Variants in DYRK1A observed in about 807,000 individuals in gnomAD.
The protein encoded by DYRK1A is dual specificity tyrosine phosphorylation regulated kinase 1A.
Under a neutral mutation model 79.7 loss-of-function variants are expected in DYRK1A, and 9 were observed. That is an observed-to-expected ratio of 0.11 (90% CI 0.07 to 0.20). DYRK1A has a LOEUF of 0.20. Among genes scored for constraint, DYRK1A ranks in the 10% least tolerant of loss-of-function variants. The probability of loss-of-function intolerance (pLI) is 1.00; values close to 1 mark genes in which losing one functional copy is unlikely to be tolerated. For missense variants in DYRK1A, 622 were observed against 956.0 expected, an observed-to-expected ratio of 0.65 and a Z score of 4.61; for synonymous variants, 349 against 329.7, an observed-to-expected ratio of 1.06 and a Z score of -0.63.
chr21:37,452,124 G>A (rs1426375057), intron 2 of DYRK1A, among the ~76,000 whole-genome samples: 2 of 151,798 alleles, frequency 1.3e-5, no homozygotes, highest in Non-Finnish European at 2.9e-5. Flanking sequence ...AAAGTATTGT[G>A]AAGTATTGAT....
At position 37,513,649 on chromosome 21, in the gene DYRK1A, C is replaced by G. The variant is rs1005174743; in HGVS notation, c.*1118C>G. On this transcript the variant is annotated 3_prime_UTR_variant, in exon 12 of 12. Transcript: ENST00000647188. ...TGTCCCTTCCTGCTTTTTACTTTTTCTTTTGCTTTTTCTCGGCACGTGGTA... is the reference window on the plus strand; with the variant it reads ...TGTCCCTTCCTGCTTTTTACTTTTTGTTTTGCTTTTTCTCGGCACGTGGTA... The G allele has an allele frequency of 1.3e-5, 2 of 152,580 alleles. No individual in the cohort carries two copies. The highest frequency in any genetic ancestry group is 6.5e-5 in the Admixed American group (1 of 15,286). The allele number at this position is 152,580 out of a possible 1,614,324, so 9.5% of individuals were successfully genotyped here. A position where few individuals can be genotyped will look rare whatever the true frequency, so the allele number is the denominator to read the frequency against.
chr21:37,424,298 T>C (rs2050557333), intron 2 of DYRK1A, among the ~76,000 whole-genome samples: 2 of 152,176 alleles, frequency 1.3e-5, no homozygotes, highest in Non-Finnish European at 2.9e-5. Flanking sequence ...AAAAAGATAG[T>C]GGATTTGCTT....
At position 37,496,764 on chromosome 21, in the gene DYRK1A, A is replaced by T. The variant is rs534712814; in HGVS notation, c.1212+506A>T. On this transcript the variant is annotated intron_variant, in intron 9 of 11. Coordinates refer to ENST00000647188, the MANE Select transcript of DYRK1A (RefSeq NM_001347721.2). Reference sequence around the variant, plus strand: ...TAGATGGTCCTTTGATAGACTTCAGATTCCTAGCTCATTGACTTGGATAGC... The same window carrying T: ...TAGATGGTCCTTTGATAGACTTCAGTTTCCTAGCTCATTGACTTGGATAGC... Among the ~76,000 whole-genome samples the T allele has an allele frequency of 4.6e-5, 7 of 152,272 alleles. No homozygotes were observed. In the South Asian group the frequency reaches 1.4e-3, roughly 32 times the overall value.
intron 2 of DYRK1A, among the ~76,000 whole-genome samples, chr21:37,422,216 A>G (rs1468249225): frequency 6.6e-6 from 1 of 152,172 alleles, no homozygotes; most frequent in African/African-American, 2.4e-5. Flanking sequence ...AAACCCAGGA[A>G]AGAAGATCTA....
At chr21:37,396,757 T>G (rs1300482188) in intron 1 of DYRK1A, among the ~76,000 whole-genome samples, 3 of 152,212 alleles carry the variant, frequency 2.0e-5, no homozygotes, top group Non-Finnish European at 4.4e-5. Context: ...TCATCAAGTA[T>G]GGTGAACACA....
In DYRK1A at chr21:37,505,515, A is replaced by G; in HGVS notation, c.1445A>G (p.Asn482Ser). 6.2e-7 allele frequency: 1 copy of G among 1,613,624 alleles called. No individual in the cohort carries two copies. The highest frequency in any genetic ancestry group is 8.5e-7 in the Non-Finnish European group (1 of 1,180,034). ...GCTGATGAAGGTACAAATACAAGTA[A>G]TAGTGTATCTACAAGCCCCGCCATG... Reference protein sequence around the residue: ...KTADEGTNTSNSVSTSPAMEQ... With the variant: ...KTADEGTNTSSSVSTSPAMEQ... The change falls in exon 10 of 12, where the codon AAT (asparagine) becomes AGT (serine). Residue 482 changes from asparagine to serine, a missense_variant. Coordinates refer to ENST00000647188, the MANE Select transcript of DYRK1A (RefSeq NM_001347721.2).
At chr21:37,370,961 A>G (rs530819409) in intron 1 of DYRK1A, among the ~76,000 whole-genome samples, 1 of 152,126 alleles carries the variant, frequency 6.6e-6, no homozygotes, top group Non-Finnish European at 1.5e-5. Context: ...TTTTTACCAG[A>G]TGTTATCTTG....
intron 9 of DYRK1A, among the ~76,000 whole-genome samples, chr21:37,499,097 GA>G (rs758794141): frequency 1.3e-5 from 2 of 152,080 alleles, no homozygotes; most frequent in Admixed American, 6.6e-5. Context: ...ATCTTTTGAT[GA>G]ATAGGGAGTT....
intron 3 of DYRK1A, among the ~76,000 whole-genome samples, chr21:37,473,990 G>A (rs772168025): frequency 2.6e-5 from 4 of 152,164 alleles, no homozygotes; most frequent in Non-Finnish European, 4.4e-5. Context: ...TGCACTTTGA[G>A]GAAACCAAGT....
chr21:37,386,308 C>T (rs963053673), intron 1 of DYRK1A, among the ~76,000 whole-genome samples: 2 of 152,096 alleles, frequency 1.3e-5, no homozygotes, highest in Non-Finnish European at 2.9e-5. Flanking sequence ...CCACCCCCAA[C>T]CCCCACCCTG....
intron 6 of DYRK1A, among the ~76,000 whole-genome samples, chr21:37,489,346 G>T (rs1365016920): frequency 6.6e-6 from 1 of 152,124 alleles, no homozygotes. Flanking sequence ...AACCTCATCT[G>T]ATGTGACGTC....
At chr21:37,478,673 A>G (rs972129488) in intron 4 of DYRK1A, among the ~76,000 whole-genome samples, 21 of 152,152 alleles carry the variant, frequency 1.4e-4, no homozygotes, top group Non-Finnish European at 2.4e-4. Flanking sequence ...GAATTTTTAT[A>G]TATTTGTTTC....
At chr21:37,481,767 A>C (rs2052649936) in intron 5 of DYRK1A, 1 of 152,046 alleles carries the variant, frequency 6.6e-6, no homozygotes, top group South Asian at 2.1e-4. Context: ...GCACTTTGGG[A>C]ATCTGAAGCA....
intron 10 of DYRK1A, 133 bp from the exon 11 acceptor site, chr21:37,505,966 C>G (rs1000046182): frequency 1.6e-5 from 18 of 1,144,810 alleles, no homozygotes; most frequent in Non-Finnish European, 2.0e-5. Context: ...GATATACTTT[C>G]AAGTTAATAT....
At chr21:37,488,447 G>A (rs2052954468) in intron 6 of DYRK1A, 1 of 723,708 alleles carries the variant, frequency 1.4e-6, no homozygotes, top group African/African-American at 1.9e-5. Context: ...TCTTGTCTTT[G>A]AACTTTAAAA....
At chr21:37,403,623 G>T (rs2050092181) in intron 1 of DYRK1A, among the ~76,000 whole-genome samples, 1 of 131,110 alleles carries the variant, frequency 7.6e-6, no homozygotes, top group Admixed American at 7.9e-5. Flanking sequence ...GCCCCACTAT[G>T]CTCAGCTAAT....
At chr21:37,460,419 A>G (rs138484318) in intron 2 of DYRK1A, among the ~76,000 whole-genome samples, 136 of 152,254 alleles carry the variant, frequency 8.9e-4, no homozygotes, top group African/African-American at 3.1e-3. Flanking sequence ...CATCTCAGAA[A>G]TGTTACTGCG....
At chr21:37,472,987 G>A in intron 3 of DYRK1A, 107 bp downstream of exon 3, 1 of 862,694 alleles carries the variant, frequency 1.2e-6, no homozygotes, top group Non-Finnish European at 1.6e-6. Flanking sequence ...AGTTTTACAT[G>A]CAACGTGGGA....
chr21:37,496,992 G>C (rs2053288853), intron 9 of DYRK1A, among the ~76,000 whole-genome samples: 1 of 151,956 alleles, frequency 6.6e-6, no homozygotes, highest in South Asian at 2.1e-4. Context: ...AATTTACTTT[G>C]GTCCTAGTAT....
Sources: allele counts gnomAD v4.1 joint callset (sites outside exome capture counted in the v4.1 genomes callset), GRCh38; gene constraint gnomAD v4.1.1; transcripts MANE v1.5; gene names NCBI Gene and HGNC (gene_info 2026-07-23, HGNC 2026-07-21).